DLG2: variants seen among roughly 807,000 people sequenced by gnomAD.
The protein encoded by DLG2 is discs large MAGUK scaffold protein 2.
In DLG2, 45 loss-of-function variants were observed where a neutral mutation model predicts 132.5. That is an observed-to-expected ratio of 0.34 (90% CI 0.27 to 0.44). The LOEUF (loss-of-function observed/expected upper bound fraction) is 0.44. Among genes scored for constraint, DLG2 ranks in the 20% least tolerant of loss-of-function variants. The probability of loss-of-function intolerance (pLI) is 1.00; values close to 1 mark genes in which losing one functional copy is unlikely to be tolerated. For synonymous variants in DLG2, 424 were observed against 419.6 expected (o/e 1.01, Z -0.13); for missense variants, 1,045 against 1,196.9 (o/e 0.87, Z 1.87).
chr11:84,841,588 T>TA (rs1465499482), intron 6 of DLG2, among the ~76,000 whole-genome samples: 5 of 152,000 alleles, frequency 3.3e-5, no homozygotes, highest in African/African-American at 1.2e-4. Context: ...TGGTAGATGG[T>TA]AGGCATCCAT....
intron 8 of DLG2, among the ~76,000 whole-genome samples, chr11:84,190,593 A>G (rs913026494): frequency 2.0e-5 from 3 of 152,212 alleles, no homozygotes; most frequent in Admixed American, 1.3e-4. Flanking sequence ...AGACATTTTA[A>G]TGTTTTGAGA....
chr11:84,364,549 C>T (rs527963962), intron 7 of DLG2, among the ~76,000 whole-genome samples: 9 of 152,060 alleles, frequency 5.9e-5, no homozygotes, highest in South Asian at 4.1e-4. Context: ...AACACTATGT[C>T]GAATAGGAGT....
chr11:85,557,404 C>T (rs1426072670), intron 3 of DLG2, among the ~76,000 whole-genome samples: 1 of 151,826 alleles, frequency 6.6e-6, no homozygotes, highest in Non-Finnish European at 1.5e-5. Flanking sequence ...AGATTCAATA[C>T]TATTCCCATC....
At chr11:83,912,586 C>T (rs1183637074) in intron 15 of DLG2, among the ~76,000 whole-genome samples, 1 of 151,958 alleles carries the variant, frequency 6.6e-6, no homozygotes, top group Admixed American at 6.6e-5. Context: ...TTAAATGAAG[C>T]GCGTTAACAT....
At chr11:85,412,760 C>CACACATATATATATATATAT (rs756868795) in intron 3 of DLG2, among the ~76,000 whole-genome samples, 1 of 113,244 alleles carries the variant, frequency 8.8e-6, no homozygotes, top group African/African-American at 3.7e-5. Context: ...CACACACACA[C>CACACATATATATATATATAT]ATATATATAT....
chr11:83,650,643 T>G (rs1346884994), intron 18 of DLG2, among the ~76,000 whole-genome samples: 2 of 152,232 alleles, frequency 1.3e-5, no homozygotes, highest in South Asian at 2.1e-4. Context: ...AAATTTCTTT[T>G]TCTTTAAACA....
chr11:85,334,578 C>G (rs566739455), intron 3 of DLG2, among the ~76,000 whole-genome samples: 1 of 152,238 alleles, frequency 6.6e-6, no homozygotes, highest in South Asian at 2.1e-4. Context: ...GCTCTATAAA[C>G]TTTCCTCTTA....
chr11:85,156,284 T>C lies in DLG2; in HGVS notation c.187-1633A>G, dbSNP rs115759450. On this transcript the variant is annotated intron_variant, in intron 4 of 27. Coordinates refer to ENST00000376104, the MANE Select transcript of DLG2 (RefSeq NM_001142699.3). ...GTGTGTGTCTACATGTATGTGTTTA[T>C]GTATGTTTATCTGTCCCATTAGAGT... Among the ~76,000 whole-genome samples the C allele has an allele frequency of 6.5e-3, 993 of 152,360 alleles. 13 individuals are homozygous for C. The highest frequency in any genetic ancestry group is 0.022 in the African/African-American group (910 of 41,580).
intron 4 of DLG2, among the ~76,000 whole-genome samples, chr11:85,230,005 G>C (rs2075208413): frequency 6.6e-6 from 1 of 152,034 alleles, no homozygotes; most frequent in African/African-American, 2.4e-5. Context: ...AGGAGGGATA[G>C]CATTAGGAGA....
chr11:83,610,071 G>A (rs1293088351), intron 19 of DLG2, among the ~76,000 whole-genome samples: 1 of 152,138 alleles, frequency 6.6e-6, no homozygotes, highest in Admixed American at 6.5e-5. Flanking sequence ...ATATTGAAAT[G>A]CTACTGGTAA....
chr11:85,168,771 T>C (rs2152489107), intron 4 of DLG2, among the ~76,000 whole-genome samples: 1 of 152,300 alleles, frequency 6.6e-6, no homozygotes, highest in Admixed American at 6.5e-5. Flanking sequence ...TTTCCAGCTA[T>C]ATAGTTGTTT....
chr11:85,207,014 G>C (rs1174478306), intron 4 of DLG2, among the ~76,000 whole-genome samples: 1 of 151,842 alleles, frequency 6.6e-6, no homozygotes, highest in African/African-American at 2.4e-5. Context: ...TCTCATCATC[G>C]ACTGGACATT....
In DLG2 at chr11:84,294,822, T is replaced by C. The variant is rs2098066452; in HGVS notation, c.520-43531A>G. Among the ~76,000 whole-genome samples the C allele has an allele frequency of 2.0e-5, 3 of 152,170 alleles. No individual in the cohort carries two copies. In the South Asian group the frequency reaches 6.2e-4, roughly 31 times the overall value. Reference sequence around the variant, plus strand: ...GGGTGGAGTATGCCTAAATTATATCTAGTTGTCTTCCAAATTTCAAAGGAG... The same window carrying C: ...GGGTGGAGTATGCCTAAATTATATCCAGTTGTCTTCCAAATTTCAAAGGAG... On this transcript the variant is annotated intron_variant, in intron 7 of 27. Transcript: ENST00000376104.
intron 22 of DLG2, among the ~76,000 whole-genome samples, chr11:83,482,522 A>G (rs564243126): frequency 2.4e-4 from 36 of 152,254 alleles, no homozygotes; most frequent in Admixed American, 1.9e-3. Flanking sequence ...TACATGAACA[A>G]TTAGAAAATG....
intron 3 of DLG2, among the ~76,000 whole-genome samples, chr11:85,501,566 T>C (rs2093804516): frequency 6.6e-6 from 1 of 152,096 alleles, no homozygotes; most frequent in Non-Finnish European, 1.5e-5. Flanking sequence ...CTTAAACAAA[T>C]TTATAAGAAA....
chr11:85,298,561 G>A (rs1403677362), intron 3 of DLG2, among the ~76,000 whole-genome samples: 1 of 152,028 alleles, frequency 6.6e-6, no homozygotes, highest in Non-Finnish European at 1.5e-5. Flanking sequence ...CCAGAATTAA[G>A]GAAATTAGAA....
In DLG2 at chr11:85,209,445, CTT is replaced by C. The variant is rs1164394816; in HGVS notation, c.187-54796_187-54795del. 5.3e-3 allele frequency among the ~76,000 whole-genome samples: 396 copies of C among 74,428 alleles called. 1 individual carries two copies. Among genetic ancestry groups the C allele is most frequent in the African/African-American group, 0.02 (358 of 18,264 alleles). 48.8% of individuals were successfully genotyped at this position (74,428 alleles called of 152,430 possible). On this transcript the variant is annotated intron_variant, in intron 4 of 27. Transcript: ENST00000376104. ...AACTTATGGGCACAAAGAAATCAGT[CTT>C]TTTTTTTTTTTTTTTTTTTTGAGAC...
At chr11:84,881,248 G>C (rs2087286720) in intron 6 of DLG2, among the ~76,000 whole-genome samples, 1 of 152,080 alleles carries the variant, frequency 6.6e-6, no homozygotes, top group Admixed American at 6.6e-5. Flanking sequence ...ATTTGGTTTT[G>C]AAAATATTAC....
intron 6 of DLG2, among the ~76,000 whole-genome samples, chr11:85,103,482 G>C (rs1368522679): frequency 1.3e-5 from 2 of 151,868 alleles, no homozygotes; most frequent in African/African-American, 4.8e-5. Context: ...TCAACAGAAG[G>C]GAAGGGACAA....
Sources: gnomAD v4.1 joint callset for allele counts (sites outside exome capture counted in the v4.1 genomes callset) on GRCh38, gnomAD v4.1.1 for gene constraint, MANE v1.5 for transcripts, NCBI Gene and HGNC (gene_info 2026-07-23, HGNC 2026-07-21) for gene names.